The following RABEP1 variants were observed in gnomAD, a reference collection of about 807,000 sequenced individuals.
RABEP1 encodes rab GTPase-binding effector protein 1.
In RABEP1, 51 loss-of-function variants were observed where a neutral mutation model predicts 123.4. The observed-to-expected ratio is 0.41, with a 90% confidence interval of 0.33 to 0.52. The LOEUF is 0.52. Ranked by LOEUF, RABEP1 falls within the 20% of genes least tolerant of loss-of-function variation. The pLI is 0.16. For missense variants in RABEP1, 888 were observed against 996.3 expected (o/e 0.89, Z 1.46); for synonymous variants, 347 against 355.2 (o/e 0.98, Z 0.26).
At chr17:5,352,449 T>C (rs1003789036) in intron 7 of RABEP1, among the ~76,000 whole-genome samples, 6 of 150,864 alleles carry the variant, frequency 4.0e-5, no homozygotes, top group Admixed American at 2.0e-4. Flanking sequence ...CGTCTCGGCC[T>C]CCCAAAGTGC....
chr17:5,340,126 C>T (rs1410059414), intron 5 of RABEP1, among the ~76,000 whole-genome samples: 1 of 152,122 alleles, frequency 6.6e-6, no homozygotes, highest in Admixed American at 6.6e-5. Flanking sequence ...ATTAGTAGAG[C>T]TATAGACATT....
At chr17:5,360,820 C>T (rs972018743) in intron 8 of RABEP1, 2 of 204,360 alleles carry the variant, frequency 9.8e-6, no homozygotes, top group Non-Finnish European at 2.0e-5. Flanking sequence ...AGGCACCTCG[C>T]GCTTGACACA....
chr17:5,373,056 C>T (rs1910649261), intron 12 of RABEP1, among the ~76,000 whole-genome samples: 1 of 152,210 alleles, frequency 6.6e-6, no homozygotes, highest in Non-Finnish European at 1.5e-5. Context: ...CCACACCCAA[C>T]CAAAAGATAG....
In RABEP1 at chr17:5,384,962, G is replaced by A; in HGVS notation, c.*1739G>A. The A allele has an allele frequency of 8.8e-6, 2 of 227,620 alleles. No individual in the cohort carries two copies. The highest frequency in any genetic ancestry group is 1.7e-5 in the Non-Finnish European group (2 of 114,660). The allele number at this position is 227,620 out of a possible 1,614,324, so 14.1% of individuals were successfully genotyped here. ...TATTAAAATTAGTGCTGTAAATCAG[G>A]GTGGGCAATTCACAGCCTTTCTGAA... On this transcript the variant is annotated 3_prime_UTR_variant, in exon 18 of 18. Coordinates refer to ENST00000537505, the MANE Select transcript of RABEP1 (RefSeq NM_004703.6).
chr17:5,351,916 T>C (rs1179915234), intron 7 of RABEP1, among the ~76,000 whole-genome samples: 1 of 152,196 alleles, frequency 6.6e-6, no homozygotes, highest in African/African-American at 2.4e-5. Flanking sequence ...CCTTTCTCCT[T>C]GTAGCGTGTA....
intron 16 of RABEP1, 108 bp from the exon 17 acceptor site, chr17:5,381,281 A>G (rs1911429682): frequency 6.7e-7 from 1 of 1,497,232 alleles, no homozygotes; most frequent in Non-Finnish European, 9.0e-7. Context: ...AGTGCGACGG[A>G]TATCCACCCA....
chr17:5,327,329 C>CA (rs1906075324), intron 2 of RABEP1, among the ~76,000 whole-genome samples: 1 of 144,094 alleles, frequency 6.9e-6, no homozygotes, highest in Non-Finnish European at 1.5e-5. Context: ...GCCTGGGAGA[C>CA]AGAGTGAGAT....
At position 5,309,150 on chromosome 17, in the gene RABEP1, A is replaced by G. The variant is rs140075022; in HGVS notation, c.163+328A>G. On this transcript the variant is annotated intron_variant, in intron 2 of 17. Transcript: ENST00000537505. ...TGGCATTCTAATAACAGCTTTAGCT[A>G]TGTTATCTTTAATTCCATGAAACAT... Among the ~76,000 whole-genome samples, 280 of 152,320 alleles carry G rather than the reference A, an allele frequency of 1.8e-3. 3 individuals are homozygous for G. Among genetic ancestry groups the G allele is most frequent in the African/African-American group, 6.3e-3 (261 of 41,566 alleles).
chr17:5,343,670 C>CTTTTTTTTTTTTTT (rs753410845), intron 5 of RABEP1, among the ~76,000 whole-genome samples: 23 of 99,948 alleles, frequency 2.3e-4, no homozygotes, highest in South Asian at 3.9e-4. Flanking sequence ...TTTCTTTTCT[C>CTTTTTTTTTTTTTT]TTTTTTTTTT....
Position 5,386,207 on chromosome 17 carries a change from CAGA to C in RABEP1, c.*2987_*2989del, listed in dbSNP as rs1324981354. ...GGTGTGAGTCAGCTCCTGGTGGTGT[CAGA>C]AGTTTACATGATTGCGGATATCATT... On this transcript the variant is annotated 3_prime_UTR_variant, in exon 18 of 18. Coordinates refer to ENST00000537505, the MANE Select transcript of RABEP1 (RefSeq NM_004703.6). The C allele has an allele frequency of 2.5e-6, 4 of 1,612,542 alleles. No individual in the cohort carries two copies. The highest frequency in any genetic ancestry group is 3.4e-6 in the Non-Finnish European group (4 of 1,179,222).
chr17:5,326,542 A>G (rs2144583145), intron 2 of RABEP1, among the ~76,000 whole-genome samples: 1 of 152,322 alleles, frequency 6.6e-6, no homozygotes, highest in South Asian at 2.1e-4. Context: ...AAACTATTTT[A>G]TATGATACTG....
intron 13 of RABEP1, among the ~76,000 whole-genome samples, chr17:5,376,352 A>G (rs1488011992): frequency 2.6e-5 from 4 of 152,240 alleles, no homozygotes; most frequent in South Asian, 4.1e-4. Context: ...AAAAGTTCCA[A>G]GAATCCTTGA....
chr17:5,300,631 A>G (rs749115242), intron 1 of RABEP1, among the ~76,000 whole-genome samples: 1 of 152,096 alleles, frequency 6.6e-6, no homozygotes, highest in Non-Finnish European at 1.5e-5. Context: ...CAGATTTTTC[A>G]AGTGTTTCCT....
chr17:5,340,421 T>G (rs1207663244), intron 5 of RABEP1, among the ~76,000 whole-genome samples: 1 of 152,138 alleles, frequency 6.6e-6, no homozygotes, highest in Non-Finnish European at 1.5e-5. Context: ...AACATATAAA[T>G]TAATACCTAT....
At chr17:5,288,725 A>G (rs937945046) in intron 1 of RABEP1, among the ~76,000 whole-genome samples, 3 of 147,524 alleles carry the variant, frequency 2.0e-5, no homozygotes, top group Admixed American at 1.4e-4. Context: ...TTTTTTTGAG[A>G]CCAAGTCTTG....
chr17:5,308,920 G>A (rs2075208160), intron 2 of RABEP1, 98 bp downstream of exon 2: 4 of 1,191,612 alleles, frequency 3.4e-6, no homozygotes, highest in Non-Finnish European at 4.6e-6. Context: ...AATAAACCTT[G>A]ATTTTATTTG....
At chr17:5,291,635 C>T (rs1004879165) in intron 1 of RABEP1, among the ~76,000 whole-genome samples, 4 of 151,610 alleles carry the variant, frequency 2.6e-5, no homozygotes, top group East Asian at 2.0e-4. Context: ...TGGCCAGTTG[C>T]GGTGGCTCAC....
chr17:5,359,620 A>T (rs1385934707), intron 8 of RABEP1, among the ~76,000 whole-genome samples: 2 of 152,192 alleles, frequency 1.3e-5, no homozygotes, highest in Non-Finnish European at 2.9e-5. Context: ...CTTTAAAAGG[A>T]AAGAAATGGA....
At chr17:5,356,014 G>C (rs1426779723) in intron 8 of RABEP1, among the ~76,000 whole-genome samples, 1 of 152,188 alleles carries the variant, frequency 6.6e-6, no homozygotes, top group Non-Finnish European at 1.5e-5. Context: ...CATTTGTTGT[G>C]ATTTACAGAG....
Sources: allele counts gnomAD v4.1 joint callset (sites outside exome capture counted in the v4.1 genomes callset), GRCh38; gene constraint gnomAD v4.1.1; transcripts MANE v1.5; gene names NCBI Gene and HGNC (gene_info 2026-07-23, HGNC 2026-07-21).